Variants in NF1 observed in about 807,000 individuals in gnomAD.
NF1 encodes neurofibromin.
Under a neutral mutation model 325.7 loss-of-function variants are expected in NF1, and 122 were observed. That is an observed-to-expected ratio of 0.37 (90% CI 0.32 to 0.44). NF1 has a LOEUF of 0.44. NF1 is among the 20% of genes least tolerant of loss of function. NF1 has a pLI of 1.00. For missense variants in NF1, 2,140 were observed against 3,415.4 expected (o/e 0.63, Z 9.31); for synonymous variants, 1,091 against 1,186.0 (o/e 0.92, Z 1.65).
At chr17:31,254,298 C>T (rs1013723827) in intron 31 of NF1, 7 of 133,872 alleles carry the variant, frequency 5.2e-5, no homozygotes, top group East Asian at 2.2e-4. Context: ...AAAAAGAAAA[C>T]GAAAAAGCTT....
rs78668509 is a variant in NF1, at chr17:31,270,064, T to A, written c.4835+4725T>A. On this transcript the variant is annotated intron_variant, in intron 36 of 57. Coordinates refer to ENST00000358273, the MANE Select transcript of NF1 (RefSeq NM_001042492.3). Reference sequence around the variant, plus strand: ...TAGCAGAAGTCCTCTACATCCAGCTTTAAAAAGGCCCAGAAAGATGACTCT... The same window carrying A: ...TAGCAGAAGTCCTCTACATCCAGCTATAAAAAGGCCCAGAAAGATGACTCT... Among the ~76,000 whole-genome samples, 710 of 152,240 alleles carry A rather than the reference T, an allele frequency of 4.7e-3. 6 individuals carry two copies. Among genetic ancestry groups the A allele is most frequent in the Non-Finnish European group, 7.5e-3 (508 of 68,002 alleles).
In NF1 at chr17:31,336,234, G is replaced by T. The variant is rs2151552814; in HGVS notation, c.6007-99G>T. ...TATTTTTGAGGCCTCAGGTAAAATA[G>T]AATTTTCATATTGATTAGGCTGTTC... On this transcript the variant is annotated intron_variant, in intron 40 of 57. Transcript: ENST00000358273. This position sits in a 1 kb window ranked among gnomAD's most constrained non-coding sequence, Gnocchi z 5.5. The T allele has an allele frequency of 7.5e-7, 1 of 1,334,296 alleles. No individual in the cohort carries two copies. The highest frequency in any genetic ancestry group is 1.5e-5 in the African/African-American group (1 of 68,332). 82.7% of individuals were successfully genotyped at this position (1,334,296 alleles called of 1,614,324 possible).
intron 8 of NF1, among the ~76,000 whole-genome samples, chr17:31,193,298 T>C (rs71372258): frequency 6.6e-6 from 1 of 152,192 alleles, no homozygotes; most frequent in African/African-American, 2.4e-5. Flanking sequence ...TCTAGGTCAT[T>C]GTCTTTAACT....
chr17:31,228,395 G>C (rs1275969975), intron 20 of NF1, among the ~76,000 whole-genome samples: 2 of 152,148 alleles, frequency 1.3e-5, no homozygotes, highest in Admixed American at 6.5e-5. Context: ...TTTATTTGGA[G>C]GGGACATGTA....
chr17:31,191,524 A>G lies in NF1; in HGVS notation c.888+8859A>G, dbSNP rs116175283. On this transcript the variant is annotated intron_variant, in intron 8 of 57. Transcript: ENST00000358273. The stretch of plus-strand genomic sequence containing the variant: ...TGCTAAGTGAAAGAAGCCAGGGTCA[A>G]GAGATGACATACTATATGATTTCTT... Among the ~76,000 whole-genome samples the G allele has an allele frequency of 3.6e-3, 543 of 152,322 alleles. 6 individuals carry two copies. The highest frequency in any genetic ancestry group is 0.012 in the African/African-American group (516 of 41,568).
chr17:31,236,276 A>G (rs1331463196), intron 29 of NF1, among the ~76,000 whole-genome samples: 1 of 152,006 alleles, frequency 6.6e-6, no homozygotes, highest in Non-Finnish European at 1.5e-5. Flanking sequence ...AGAGACTGTT[A>G]CTAGTTAAGT....
intron 11 of NF1, among the ~76,000 whole-genome samples, chr17:31,203,737 T>TA (rs1304534299): frequency 6.6e-6 from 1 of 152,200 alleles, no homozygotes; most frequent in Non-Finnish European, 1.5e-5. Flanking sequence ...ATGTACCTCA[T>TA]AAGTTCTCTT....
intron 36 of NF1, among the ~76,000 whole-genome samples, chr17:31,275,645 TA>T (rs1301768554): frequency 6.6e-6 from 1 of 152,220 alleles, no homozygotes; most frequent in African/African-American, 2.4e-5. Flanking sequence ...CCCCCACAGT[TA>T]AGGGGGTACT....
chr17:31,282,766 T>A (rs1341617072), intron 36 of NF1, among the ~76,000 whole-genome samples: 1 of 152,242 alleles, frequency 6.6e-6, no homozygotes, highest in Non-Finnish European at 1.5e-5. Flanking sequence ...GCATTCAGTT[T>A]TTTTAGATAC....
In NF1 at chr17:31,154,732, C is replaced by CTTTTTTTT. The variant is rs71142026; in HGVS notation, c.61-1236_61-1229dup. ...CCCCGCCAATTTCATTTAGTATTTC[C>CTTTTTTTT]TTTTTTTTTTTTTTTTTTTTTTATT... On this transcript the variant is annotated intron_variant, in intron 1 of 57. Coordinates refer to ENST00000358273, the MANE Select transcript of NF1 (RefSeq NM_001042492.3). 1.7e-4 allele frequency among the ~76,000 whole-genome samples: 18 copies of CTTTTTTTT among 103,404 alleles called. 1 individual carries two copies. The highest frequency in any genetic ancestry group is 0.012 in the Middle Eastern group (2 of 172). 67.8% of individuals were successfully genotyped at this position (103,404 alleles called of 152,430 possible).
chr17:31,310,405 A>AAG (rs2068838629), intron 36 of NF1, among the ~76,000 whole-genome samples: 4 of 150,588 alleles, frequency 2.7e-5, no homozygotes, highest in Admixed American at 2.0e-4. Context: ...AGTGTAGATG[A>AAG]TTGAAGTAGG....
chr17:31,132,446 A>G (rs1185907562), intron 1 of NF1, among the ~76,000 whole-genome samples: 1 of 152,064 alleles, frequency 6.6e-6, no homozygotes, highest in Non-Finnish European at 1.5e-5. Flanking sequence ...AGGCCGAGGC[A>G]GGAGAATCGC....
intron 15 of NF1, among the ~76,000 whole-genome samples, chr17:31,223,194 A>G (rs2066956778): frequency 6.6e-6 from 1 of 152,176 alleles, no homozygotes; most frequent in Non-Finnish European, 1.5e-5. Flanking sequence ...CATGGATAGA[A>G]ACACTGGGAG....
chr17:31,231,949 T>C (rs2067118563), intron 24 of NF1, 124 bp from the exon 25 acceptor site: 2 of 627,974 alleles, frequency 3.2e-6, no homozygotes, highest in South Asian at 2.0e-5. Flanking sequence ...TAATAATTTG[T>C]TTAATGAAAT....
intron 57 of NF1, among the ~76,000 whole-genome samples, chr17:31,368,027 G>A (rs190025170): frequency 6.6e-6 from 1 of 152,106 alleles, no homozygotes; most frequent in Non-Finnish European, 1.5e-5. Context: ...ACACATTTAT[G>A]TCTAATTTAT....
intron 36 of NF1, chr17:31,318,729 A>G (rs372203142): frequency 6.8e-6 from 11 of 1,614,142 alleles, no homozygotes; most frequent in Non-Finnish European, 8.5e-6. Flanking sequence ...CAGAAGGTAT[A>G]TAAAGCTCCT....
chr17:31,225,057 A>T (rs2144025063), intron 16 of NF1, 38 bp from the exon 17 acceptor site: 2 of 1,608,782 alleles, frequency 1.2e-6, no homozygotes, highest in Non-Finnish European at 1.7e-6. Context: ...CTTGGTTGTC[A>T]GTGCTTCAGT....
chr17:31,333,967 T>C (rs1263213154), intron 39 of NF1, among the ~76,000 whole-genome samples: 1 of 152,220 alleles, frequency 6.6e-6, no homozygotes, highest in African/African-American at 2.4e-5. Context: ...AAAAGAAGTT[T>C]GCAGAATTTG....
chr17:31,158,121 C>T (rs560490566), intron 2 of NF1, among the ~76,000 whole-genome samples: 15 of 152,264 alleles, frequency 9.9e-5, no homozygotes, highest in Admixed American at 2.6e-4. Context: ...CCTCTAGTGT[C>T]CTCTCTTCTA....
Sources: allele counts gnomAD v4.1 joint callset (sites outside exome capture counted in the v4.1 genomes callset), GRCh38; gene constraint gnomAD v4.1.1; non-coding constraint Gnocchi (gnomAD v3.1); transcripts MANE v1.5; gene names NCBI Gene and HGNC (gene_info 2026-07-23, HGNC 2026-07-21).